The following LRRTM4 variants were observed in gnomAD, a reference collection of about 807,000 sequenced individuals.
The protein encoded by LRRTM4 is leucine rich repeat transmembrane neuronal 4.
LRRTM4 carries 25 observed loss-of-function variants against 47.6 expected under a neutral mutation model. That is an observed-to-expected ratio of 0.53 (90% CI 0.38 to 0.73). The LOEUF is 0.73. Ranked by LOEUF, LRRTM4 falls within the 30% of genes least tolerant of loss-of-function variation. The pLI is 0.00. For missense variants in LRRTM4, 638 were observed against 713.4 expected (o/e 0.89, Z 1.20); for synonymous variants, 311 against 269.5 (o/e 1.15, Z -1.51).
chr2:77,006,230 T>C (rs1026982141), intron 3 of LRRTM4, among the ~76,000 whole-genome samples: 9 of 152,170 alleles, frequency 5.9e-5, no homozygotes, highest in African/African-American at 1.9e-4. Context: ...GACCTTAGAA[T>C]GGGCTAGGAT....
chr2:77,345,783 T>G (rs1239843502), intron 3 of LRRTM4, among the ~76,000 whole-genome samples: 2 of 151,680 alleles, frequency 1.3e-5, no homozygotes, highest in African/African-American at 4.8e-5. Context: ...TATGAATTTG[T>G]GATCTCACTG....
At chr2:76,941,674 G>A (rs995368818) in intron 3 of LRRTM4, among the ~76,000 whole-genome samples, 1 of 152,074 alleles carries the variant, frequency 6.6e-6, no homozygotes, top group African/African-American at 2.4e-5. Context: ...AGTATTCCAT[G>A]GTGTATATGT....
intron 3 of LRRTM4, among the ~76,000 whole-genome samples, chr2:77,393,063 A>G (rs1157669665): frequency 6.6e-6 from 1 of 151,984 alleles, no homozygotes. Flanking sequence ...ATTAGAGCAC[A>G]CTAAAAGTTT....
At chr2:76,873,266 A>T (rs76581962) in intron 3 of LRRTM4, among the ~76,000 whole-genome samples, 5,990 of 151,944 alleles carry the variant, frequency 0.039, 281 homozygotes, top group East Asian at 0.13. Context: ...GAGGAAACCC[A>T]TTTGCAATAT....
chr2:76,763,811 A>G (rs967001452), intron 3 of LRRTM4, among the ~76,000 whole-genome samples: 8 of 152,196 alleles, frequency 5.3e-5, no homozygotes, highest in African/African-American at 1.7e-4. Context: ...AATCACAAAT[A>G]AAGAAGAGGG....
intron 3 of LRRTM4, among the ~76,000 whole-genome samples, chr2:77,477,935 GAAAGAAAGAAAGAAAGA>G (rs1677494645): frequency 7.3e-6 from 1 of 136,764 alleles, no homozygotes; most frequent in South Asian, 2.7e-4. Context: ...AAGAAAGAAA[GAAAGAAAGAAAGAAAGA>G]AAGAAAGAAA....
At chr2:76,776,188 T>C (rs1673981368) in intron 3 of LRRTM4, among the ~76,000 whole-genome samples, 1 of 152,228 alleles carries the variant, frequency 6.6e-6, no homozygotes, top group Non-Finnish European at 1.5e-5. Context: ...TCCAAGTCTT[T>C]GCTGTTGTGA....
At chr2:77,109,449 A>T (rs1258665912) in intron 3 of LRRTM4, among the ~76,000 whole-genome samples, 3 of 152,202 alleles carry the variant, frequency 2.0e-5, no homozygotes, top group Non-Finnish European at 2.9e-5. Flanking sequence ...ACAATCTTTG[A>T]TCTGTTGGCA....
intron 3 of LRRTM4, among the ~76,000 whole-genome samples, chr2:77,023,262 C>T (rs1174729479): frequency 6.6e-6 from 1 of 152,188 alleles, no homozygotes; most frequent in African/African-American, 2.4e-5. Context: ...GACCCTGGCC[C>T]TGACCATGAA....
chr2:77,078,912 G>A (rs952257084), intron 3 of LRRTM4, among the ~76,000 whole-genome samples: 1 of 152,264 alleles, frequency 6.6e-6, no homozygotes, highest in Admixed American at 6.5e-5. Flanking sequence ...TCTGTTTCTG[G>A]TGAGGACTCT....
intron 3 of LRRTM4, among the ~76,000 whole-genome samples, chr2:76,890,557 T>G (rs983214925): frequency 6.6e-6 from 1 of 151,932 alleles, no homozygotes; most frequent in African/African-American, 2.4e-5. Context: ...CATTGAAATT[T>G]ATACCTTAAC....
chr2:76,921,689 G>T (rs1320053692), intron 3 of LRRTM4, among the ~76,000 whole-genome samples: 3 of 151,934 alleles, frequency 2.0e-5, no homozygotes, highest in Non-Finnish European at 4.4e-5. Flanking sequence ...TTCAGTTTTG[G>T]CAGTTAGGTA....
At chr2:77,220,434 T>C (rs986059114) in intron 3 of LRRTM4, among the ~76,000 whole-genome samples, 7 of 152,080 alleles carry the variant, frequency 4.6e-5, no homozygotes, top group African/African-American at 7.2e-5. Context: ...TTCGAACCAA[T>C]GGCAAAGAAG....
At chr2:77,084,919 T>A (rs572519666) in intron 3 of LRRTM4, among the ~76,000 whole-genome samples, 1 of 152,298 alleles carries the variant, frequency 6.6e-6, no homozygotes, top group Admixed American at 6.5e-5. Flanking sequence ...TTTATGCATA[T>A]GTACATATAC....
At chr2:77,041,554 C>T (rs1416515079) in intron 3 of LRRTM4, among the ~76,000 whole-genome samples, 1 of 151,460 alleles carries the variant, frequency 6.6e-6, no homozygotes, top group South Asian at 2.1e-4. Context: ...TTGCCCTTCT[C>T]CACATCCTCA....
chr2:77,244,743 A>G (rs963203476), intron 3 of LRRTM4, among the ~76,000 whole-genome samples: 5 of 152,118 alleles, frequency 3.3e-5, no homozygotes, highest in Admixed American at 6.6e-5. Flanking sequence ...TTCTCATTCT[A>G]TTTTGCTCCT....
chr2:76,874,668 A>G (rs1672729136), intron 3 of LRRTM4, among the ~76,000 whole-genome samples: 1 of 151,818 alleles, frequency 6.6e-6, no homozygotes, highest in Non-Finnish European at 1.5e-5. Flanking sequence ...TATTTTAGAT[A>G]GTGATTCAGT....
Position 77,340,401 on chromosome 2 carries a change from A to C in LRRTM4, c.1551+177917T>G, listed in dbSNP as rs559504905. Among the ~76,000 whole-genome samples the C allele has an allele frequency of 7.9e-5, 12 of 152,114 alleles. No individual in the cohort carries two copies. In the South Asian group the frequency reaches 2.5e-3, roughly 31 times the overall value. On this transcript the variant is annotated intron_variant, in intron 3 of 3. Coordinates refer to ENST00000409884, the MANE Select transcript of LRRTM4 (RefSeq NM_001134745.3). The stretch of plus-strand genomic sequence containing the variant: ...GAATCTGTTCTATAAGACTGCTATA[A>C]AGATTACATGACTTAATACATTTAA...
At chr2:76,825,892 T>A (rs1671177322) in intron 3 of LRRTM4, among the ~76,000 whole-genome samples, 1 of 151,444 alleles carries the variant, frequency 6.6e-6, no homozygotes, top group Non-Finnish European at 1.5e-5. Flanking sequence ...GATTATGGAG[T>A]TGCAGTCTGT....
Sources: allele counts gnomAD v4.1 joint callset (sites outside exome capture counted in the v4.1 genomes callset), GRCh38; gene constraint gnomAD v4.1.1; transcripts MANE v1.5; gene names NCBI Gene and HGNC (gene_info 2026-07-23, HGNC 2026-07-21).